Variants in CFAP77 observed in about 807,000 individuals in gnomAD.
CFAP77 encodes cilia and flagella associated protein 77, also known as cilia- and flagella-associated protein 77.
In CFAP77, 25 loss-of-function variants were observed where a neutral mutation model predicts 31.1. That is an observed-to-expected ratio of 0.80 (90% CI 0.59 to 1.12). The LOEUF is 1.12. CFAP77 is among the 50% of genes most tolerant of loss of function. CFAP77 has a pLI of 0.00. For synonymous variants in CFAP77, 151 were observed against 159.9 expected (o/e 0.94, Z 0.42); for missense variants, 377 against 397.3 (o/e 0.95, Z 0.44).
In CFAP77 at chr9:132,424,460, A is replaced by T. The variant is rs939865292; in HGVS notation, c.195+13994A>T. Among the ~76,000 whole-genome samples, 1 of 152,178 alleles carries T rather than the reference A, an allele frequency of 6.6e-6. No homozygotes were observed. Among genetic ancestry groups the T allele is most frequent in the Non-Finnish European group, 1.5e-5 (1 of 68,024 alleles). ...AGCCCTGGCCTGGCCTGGTCCAGAA[A>T]GACCTGTGGAATTGCTGGAGGGCTG... On this transcript the variant is annotated intron_variant, in intron 1 of 5. Transcript: ENST00000393216. This position sits in a 1 kb window ranked among gnomAD's most constrained non-coding sequence, Gnocchi z 4.1.
chr9:132,461,734 A>G (rs1026774086), intron 1 of CFAP77, among the ~76,000 whole-genome samples: 3 of 152,170 alleles, frequency 2.0e-5, no homozygotes, highest in Non-Finnish European at 4.4e-5. Context: ...GATGACACCA[A>G]TGGCCATAAC....
rs566016688 is a variant in CFAP77 at position 132,561,133 on chromosome 9, G to A, written c.733-11255G>A. On this transcript the variant is annotated intron_variant, in intron 5 of 5. Transcript: ENST00000393216. ...GTCCTACATGAATCTGTGTTCTACCGGAGCCTCTGACCTCCAGCTGCCCCG... is the reference window on the plus strand; with the variant it reads ...GTCCTACATGAATCTGTGTTCTACCAGAGCCTCTGACCTCCAGCTGCCCCG... 1.8e-4 allele frequency among the ~76,000 whole-genome samples: 28 copies of A among 152,222 alleles called. 1 individual carries two copies. The highest frequency in any genetic ancestry group is 1.5e-3 in the South Asian group (7 of 4,822).
At chr9:132,456,152 T>A (rs1850908520) in intron 1 of CFAP77, among the ~76,000 whole-genome samples, 1 of 152,100 alleles carries the variant, frequency 6.6e-6, no homozygotes, top group African/African-American at 2.4e-5. Flanking sequence ...TCTCTCGTGG[T>A]TACATTTGAA....
intron 3 of CFAP77, among the ~76,000 whole-genome samples, chr9:132,531,172 TTCTC>T (rs370930358): frequency 3.3e-5 from 5 of 152,220 alleles, no homozygotes; most frequent in African/African-American, 4.8e-5. Context: ...TGCCTAGCCT[TTCTC>T]TCTGTCTCCT....
intron 1 of CFAP77, among the ~76,000 whole-genome samples, chr9:132,461,507 G>T (rs571729540): frequency 2.0e-5 from 3 of 152,340 alleles, no homozygotes; most frequent in Admixed American, 6.5e-5. Context: ...GCCAACTAGG[G>T]CAGGCCCCAG....
rs1209172215 is a variant in CFAP77, at chr9:132,495,820, G to C, written c.196-2875G>C. 6.6e-6 allele frequency among the ~76,000 whole-genome samples: 1 copy of C among 152,182 alleles called. No homozygotes were observed. On this transcript the variant is annotated intron_variant, in intron 1 of 5. Transcript: ENST00000393216. The surrounding 1 kb of genome is among the most constrained non-coding windows in gnomAD (Gnocchi z 4.2). ...GTGCCCTTAAATGAAGAGGAAGAAAGCTAACTCTATCTCTGCTCTCTGCCA... is the reference window on the plus strand; with the variant it reads ...GTGCCCTTAAATGAAGAGGAAGAAACCTAACTCTATCTCTGCTCTCTGCCA...
rs180827300 is a variant in CFAP77 at position 132,512,512 on chromosome 9, C to T, written c.524+12912C>T. On this transcript the variant is annotated intron_variant, in intron 3 of 5. Transcript: ENST00000393216. ...TTAACACAAATCAAGTCAGAGTGTC[C>T]TGCATTTTAGGTGTCGTTGGGTTTT... 2.9e-4 allele frequency among the ~76,000 whole-genome samples: 44 copies of T among 152,268 alleles called. No homozygotes were observed. In the East Asian group the frequency reaches 7.7e-3, roughly 27 times the overall value.
intron 5 of CFAP77, among the ~76,000 whole-genome samples, chr9:132,561,193 A>T (rs924805477): frequency 3.3e-5 from 5 of 152,206 alleles, no homozygotes; most frequent in Admixed American, 6.5e-5. Context: ...GGACTGATCC[A>T]TAATTTTCAA....
chr9:132,446,931 G>A (rs988373312), intron 1 of CFAP77, among the ~76,000 whole-genome samples: 2 of 152,008 alleles, frequency 1.3e-5, no homozygotes, highest in Admixed American at 1.3e-4. Context: ...AATAAATACA[G>A]GTGTGGGGAG....
intron 1 of CFAP77, among the ~76,000 whole-genome samples, chr9:132,471,709 T>TTTG (rs1851262825): frequency 6.6e-6 from 1 of 151,380 alleles, no homozygotes; most frequent in South Asian, 2.1e-4. Flanking sequence ...TTTGTTTTGT[T>TTTG]TTGTTTGTTG....
At chr9:132,546,502 A>G (rs1166276393) in intron 5 of CFAP77, among the ~76,000 whole-genome samples, 2 of 152,198 alleles carry the variant, frequency 1.3e-5, no homozygotes, top group Non-Finnish European at 2.9e-5. Flanking sequence ...TCTGTCAGAA[A>G]TAATTAAACA....
At chr9:132,567,143 AG>A (rs1308647400) in intron 5 of CFAP77, among the ~76,000 whole-genome samples, 1 of 152,170 alleles carries the variant, frequency 6.6e-6, no homozygotes, top group African/African-American at 2.4e-5. Context: ...CAGACACCAC[AG>A]GTGACATGCG....
At chr9:132,509,107 G>C (rs1174078110) in intron 3 of CFAP77, among the ~76,000 whole-genome samples, 2 of 152,226 alleles carry the variant, frequency 1.3e-5, no homozygotes, top group Non-Finnish European at 2.9e-5. Flanking sequence ...AGCACCTACT[G>C]GGGCCTGGCT....
In CFAP77 at chr9:132,498,859, AC is replaced by A; in HGVS notation, c.295+69del. ...GAGGGAGGCTCACCCCTCTTCACAG[AC>A]CCCTTGACCTAGCTCGCTGCTTGGC... On this transcript the variant is annotated intron_variant, in intron 2 of 5. Transcript: ENST00000393216. This position sits in a 1 kb window ranked among gnomAD's most constrained non-coding sequence, Gnocchi z 4.2. The A allele has an allele frequency of 8.6e-7, 1 of 1,165,500 alleles. No homozygotes were observed. The highest frequency in any genetic ancestry group is 1.3e-5 in the South Asian group (1 of 74,992). 72.2% of individuals were successfully genotyped at this position (1,165,500 alleles called of 1,614,324 possible).
rs564968682 is a variant in CFAP77 at position 132,512,968 on chromosome 9, A to T, written c.524+13368A>T. Among the ~76,000 whole-genome samples, 8 of 152,300 alleles carry T rather than the reference A, an allele frequency of 5.3e-5. No individual in the cohort carries two copies. In the East Asian group the frequency reaches 1.3e-3, roughly 26 times the overall value. ...ATTTCAAATAAATAAATAGATAGAGATGATAGGTATAAATGCTTTTATGAG... is the reference window on the plus strand; with the variant it reads ...ATTTCAAATAAATAAATAGATAGAGTTGATAGGTATAAATGCTTTTATGAG... On this transcript the variant is annotated intron_variant, in intron 3 of 5. Coordinates refer to ENST00000393216, the MANE Select transcript of CFAP77 (RefSeq NM_001282957.2).
chr9:132,493,271 C>T (rs984883516), intron 1 of CFAP77, among the ~76,000 whole-genome samples: 14 of 152,142 alleles, frequency 9.2e-5, no homozygotes, highest in Admixed American at 4.6e-4. Flanking sequence ...TCCTTCCAGG[C>T]GATGCTATGG....
At chr9:132,423,734 A>C (rs1850265827) in intron 1 of CFAP77, among the ~76,000 whole-genome samples, 1 of 152,234 alleles carries the variant, frequency 6.6e-6, no homozygotes, top group Admixed American at 6.5e-5. Context: ...CAACTCTGCA[A>C]GCTCCGTGTC....
intron 5 of CFAP77, among the ~76,000 whole-genome samples, chr9:132,555,365 G>C (rs1852886253): frequency 6.6e-6 from 1 of 152,188 alleles, no homozygotes; most frequent in Non-Finnish European, 1.5e-5. Flanking sequence ...AAACATCTGA[G>C]TGTGTCCCCA....
chr9:132,421,348 G>C (rs1398746462), intron 1 of CFAP77, among the ~76,000 whole-genome samples: 1 of 151,946 alleles, frequency 6.6e-6, no homozygotes, highest in Admixed American at 6.6e-5. Context: ...CTGAAGAGGT[G>C]GGGGCAGGGT....
Sources: gnomAD v4.1 joint callset for allele counts (sites outside exome capture counted in the v4.1 genomes callset) on GRCh38, gnomAD v4.1.1 for gene constraint, Gnocchi (gnomAD v3.1) non-coding constraint, MANE v1.5 for transcripts, NCBI Gene and HGNC (gene_info 2026-07-23, HGNC 2026-07-21) for gene names.